The following PARL variants were observed in gnomAD, a reference collection of about 807,000 sequenced individuals.
PARL encodes presenilin associated rhomboid like, also known as presenilin-associated rhomboid-like protein, mitochondrial.
Under a neutral mutation model 51.6 loss-of-function variants are expected in PARL, and 44 were observed. The observed-to-expected ratio is 0.85, with a 90% CI of 0.67 to 1.10. The LOEUF (loss-of-function observed/expected upper bound fraction) is 1.10. PARL is among the 50% of genes least tolerant of loss of function. PARL has a pLI of 0.00. For missense variants in PARL, 441 were observed against 469.5 expected (o/e 0.94, Z 0.56); for synonymous variants, 172 against 164.0 (o/e 1.05, Z -0.37).
At chr3:183,867,590 C>T (rs1201341224) in intron 2 of PARL, among the ~76,000 whole-genome samples, 3 of 151,768 alleles carry the variant, frequency 2.0e-5, no homozygotes, top group African/African-American at 7.3e-5. Flanking sequence ...GTCCCAGCTA[C>T]TTGGGAAGCT....
chr3:183,861,835 G>T (rs1731866452), intron 4 of PARL, among the ~76,000 whole-genome samples: 1 of 152,100 alleles, frequency 6.6e-6, no homozygotes, highest in Non-Finnish European at 1.5e-5. Context: ...GAGTGTAATA[G>T]TAGGACCACA....
chr3:183,882,426 GAGAGAGAGAA>G (rs1734672397), intron 1 of PARL, among the ~76,000 whole-genome samples: 1 of 149,572 alleles, frequency 6.7e-6, no homozygotes, highest in Admixed American at 6.7e-5. Flanking sequence ...TAGAGAGAGA[GAGAGAGAGAA>G]AGAGAGAGAC....
At chr3:183,839,483 A>C (rs1729035805) in intron 7 of PARL, among the ~76,000 whole-genome samples, 1 of 152,058 alleles carries the variant, frequency 6.6e-6, no homozygotes, top group Non-Finnish European at 1.5e-5. Flanking sequence ...CAGTGGTGCA[A>C]TCTCAGCTCA....
chr3:183,846,320 C>T (rs1033173070), intron 4 of PARL, among the ~76,000 whole-genome samples: 1 of 151,970 alleles, frequency 6.6e-6, no homozygotes, highest in African/African-American at 2.4e-5. Flanking sequence ...ATGAAGAAAC[C>T]TCGTCTCTAC....
chr3:183,826,824 T>G (rs977131434), downstream of PARL: 2 of 972,552 alleles, frequency 2.1e-6, no homozygotes, highest in African/African-American at 3.5e-5. Flanking sequence ...AGATGGCGCT[T>G]GGGACTAAAA....
chr3:183,875,030 T>C (rs908593717), intron 1 of PARL, among the ~76,000 whole-genome samples: 2 of 152,132 alleles, frequency 1.3e-5, no homozygotes, highest in South Asian at 2.1e-4. Context: ...TACAAATGCA[T>C]TGCTGCACTC....
intron 4 of PARL, among the ~76,000 whole-genome samples, chr3:183,857,197 C>T (rs1018973210): frequency 1.3e-5 from 2 of 152,100 alleles, no homozygotes; most frequent in South Asian, 2.1e-4. Flanking sequence ...TGCAGTGAGC[C>T]GTGATCATGC....
At chr3:183,848,677 GCTGT>G (rs1012947197) in intron 4 of PARL, among the ~76,000 whole-genome samples, 4 of 152,132 alleles carry the variant, frequency 2.6e-5, no homozygotes, top group African/African-American at 9.7e-5. Flanking sequence ...CACTTTCAGG[GCTGT>G]CTGTTTAACC....
At chr3:183,861,511 T>C (rs546741979) in intron 4 of PARL, among the ~76,000 whole-genome samples, 1 of 152,258 alleles carries the variant, frequency 6.6e-6, no homozygotes, top group East Asian at 1.9e-4. Context: ...AAGGAAGCAA[T>C]GTCTGAACCA....
At chr3:183,834,927 C>T (rs960061866) in intron 7 of PARL, among the ~76,000 whole-genome samples, 1 of 147,892 alleles carries the variant, frequency 6.8e-6, no homozygotes, top group East Asian at 2.0e-4. Context: ...GGCGTGGTGG[C>T]GGATGCTTAT....
chr3:183,880,731 A>C (rs1434574745), intron 1 of PARL, among the ~76,000 whole-genome samples: 1 of 151,902 alleles, frequency 6.6e-6, no homozygotes, highest in Non-Finnish European at 1.5e-5. Flanking sequence ...ATACAATCCT[A>C]TAACTTTTAA....
At position 183,833,749 on chromosome 3, in the gene PARL, G is replaced by T; in HGVS notation, c.905C>A (p.Pro302Gln). 2 of 1,611,096 alleles carry T rather than the reference G, an allele frequency of 1.2e-6. No individual in the cohort carries two copies. The highest frequency in any genetic ancestry group is 1.7e-6 in the Non-Finnish European group (2 of 1,177,262). The change falls in exon 8 of 10, where the codon CCG becomes CAG. Residue 302 changes from proline (P) to glutamine (Q), a missense_variant. Transcript: ENST00000317096. ...ATTCCCTGCTGTGAACGTGAACATCGGAAGGAAAATAATGGCAAGCCTCCC... is the reference window on the plus strand; with the variant it reads ...ATTCCCTGCTGTGAACGTGAACATCTGAAGGAAAATAATGGCAAGCCTCCC... ...PEGRLAIIFL[P>Q]MFTFTAGNAL...
intron 7 of PARL, among the ~76,000 whole-genome samples, chr3:183,838,520 G>T (rs1194852578): frequency 6.6e-6 from 1 of 152,044 alleles, no homozygotes; most frequent in African/African-American, 2.4e-5. Context: ...TCCTACCACG[G>T]CGCTGTAGGA....
chr3:183,874,739 G>A (rs539729483), intron 1 of PARL, among the ~76,000 whole-genome samples: 1 of 152,316 alleles, frequency 6.6e-6, no homozygotes, highest in African/African-American at 2.4e-5. Context: ...TAGGCCAGGA[G>A]CTAAGCCTCT....
chr3:183,845,187 A>G (rs1204949450), intron 4 of PARL, among the ~76,000 whole-genome samples: 1 of 152,036 alleles, frequency 6.6e-6, no homozygotes, highest in East Asian at 1.9e-4. Context: ...TCAATAACAT[A>G]CTGGTAAGAG....
In PARL at chr3:183,881,121, A is replaced by AT. The variant is rs10589229; in HGVS notation, c.125+3600dup. On this transcript the variant is annotated intron_variant, in intron 1 of 9. Coordinates refer to ENST00000317096, the MANE Select transcript of PARL (RefSeq NM_018622.7). ...CTGTGCCACCGCACAGCCTTTGTGCATTTTTTTTTTTTTTTTTCAGATGAA... is the reference window on the plus strand; with the variant it reads ...CTGTGCCACCGCACAGCCTTTGTGCATTTTTTTTTTTTTTTTTTCAGATGAA... Among the ~76,000 whole-genome samples, 832 of 139,620 alleles carry AT rather than the reference A, an allele frequency of 6.0e-3. 15 individuals carry two copies. The highest frequency in any genetic ancestry group is 7.4e-3 in the Middle Eastern group (2 of 270). The allele number at this position is 139,620 out of a possible 152,430, so 91.6% of individuals were successfully genotyped here.
intron 1 of PARL, among the ~76,000 whole-genome samples, chr3:183,871,533 G>A (rs1321885910): frequency 6.1e-5 from 8 of 131,230 alleles, no homozygotes; most frequent in Non-Finnish European, 1.3e-4. Context: ...AAAAAAAAAA[G>A]GCTTGGGGGG....
intron 1 of PARL, among the ~76,000 whole-genome samples, chr3:183,882,265 A>C (rs1382453021): frequency 1.8e-5 from 1 of 56,250 alleles, no homozygotes; most frequent in Non-Finnish European, 4.0e-5. Flanking sequence ...ATATATATAT[A>C]TATTTATATA....
intron 1 of PARL, among the ~76,000 whole-genome samples, chr3:183,870,494 A>T (rs1274083184): frequency 1.3e-5 from 2 of 151,846 alleles, no homozygotes; most frequent in Non-Finnish European, 2.9e-5. Flanking sequence ...ATAGTTTCTC[A>T]AATGTCCTCT....
Sources: allele counts gnomAD v4.1 joint callset (sites outside exome capture counted in the v4.1 genomes callset), GRCh38; gene constraint gnomAD v4.1.1; transcripts MANE v1.5; gene names NCBI Gene and HGNC (gene_info 2026-07-23, HGNC 2026-07-21).